The following COL19A1 variants were observed in gnomAD, a reference collection of about 807,000 sequenced individuals.
The protein encoded by COL19A1 is collagen alpha-1(XIX) chain.
Under a neutral mutation model 190.2 loss-of-function variants are expected in COL19A1, and 159 were observed. The observed-to-expected ratio is 0.84, with a 90% CI of 0.73 to 0.95. The LOEUF (loss-of-function observed/expected upper bound fraction) is 0.95. Ranked by LOEUF, COL19A1 falls within the 40% of genes least tolerant of loss-of-function variation. COL19A1 has a pLI of 0.00. For synonymous variants in COL19A1, 509 were observed against 458.9 expected, an observed-to-expected ratio of 1.11 and a Z score of -1.39; for missense variants, 1,418 against 1,431.9, an observed-to-expected ratio of 0.99 and a Z score of 0.16.
At chr6:70,029,455 A>G (rs938354310) in intron 12 of COL19A1, among the ~76,000 whole-genome samples, 1 of 152,132 alleles carries the variant, frequency 6.6e-6, no homozygotes, top group Non-Finnish European at 1.5e-5. Flanking sequence ...CATGAATTTG[A>G]TTGAAAACCT....
chr6:70,078,829 G>C (rs950598632), intron 15 of COL19A1, among the ~76,000 whole-genome samples: 2 of 152,286 alleles, frequency 1.3e-5, no homozygotes, highest in African/African-American at 4.8e-5. Context: ...CACTTTGGGA[G>C]GCCGAGGCGG....
chr6:69,877,972 C>T (rs1440881104), intron 1 of COL19A1, among the ~76,000 whole-genome samples: 3 of 151,960 alleles, frequency 2.0e-5, no homozygotes, highest in Non-Finnish European at 4.4e-5. Context: ...GATCGCGCCA[C>T]TGCACTCTAG....
At chr6:69,953,112 A>G (rs1415988201) in intron 9 of COL19A1, among the ~76,000 whole-genome samples, 1 of 152,026 alleles carries the variant, frequency 6.6e-6, no homozygotes, top group Non-Finnish European at 1.5e-5. Context: ...ATAGAAATTG[A>G]GGCCATTAAA....
chr6:70,191,442 AACTTTGT>A (rs1766868935), intron 48 of COL19A1, among the ~76,000 whole-genome samples: 1 of 152,148 alleles, frequency 6.6e-6, no homozygotes, highest in Non-Finnish European at 1.5e-5. Flanking sequence ...CTGACCCTAT[AACTTTGT>A]GTCATGCTAA....
In COL19A1 at chr6:69,920,270, T is replaced by C. The variant is rs978608160; in HGVS notation, c.267-7639T>C. Among the ~76,000 whole-genome samples, 3 of 152,184 alleles carry C rather than the reference T, an allele frequency of 2.0e-5. No homozygotes were observed. The South Asian group carries it at 6.2e-4, about 31-fold the overall frequency. On this transcript the variant is annotated intron_variant, in intron 4 of 50. Transcript: ENST00000620364. Reference sequence around the variant, plus strand: ...ACCTGGACACTGCTTGTACTATAGTTAGTCATTTTTAAGGAGCGCTATTTC... The same window carrying C: ...ACCTGGACACTGCTTGTACTATAGTCAGTCATTTTTAAGGAGCGCTATTTC...
At chr6:70,078,048 T>A (rs1781999565) in intron 15 of COL19A1, among the ~76,000 whole-genome samples, 1 of 152,242 alleles carries the variant, frequency 6.6e-6, no homozygotes, top group South Asian at 2.1e-4. Context: ...ATGTTTATAG[T>A]TTATTTGTCT....
chr6:69,926,265 A>C (rs58987459), intron 4 of COL19A1, among the ~76,000 whole-genome samples: 3,500 of 152,258 alleles, frequency 0.023, 133 homozygotes, highest in African/African-American at 0.078. Context: ...GAAGGTATGC[A>C]AAACTATGTA....
intron 4 of COL19A1, among the ~76,000 whole-genome samples, chr6:69,919,781 G>A (rs1771572249): frequency 3.3e-5 from 5 of 151,988 alleles, no homozygotes. Flanking sequence ...ATTGTCATAG[G>A]TATGTTTTTA....
intron 11 of COL19A1, among the ~76,000 whole-genome samples, chr6:70,005,688 G>A (rs1294574569): frequency 6.6e-6 from 1 of 152,302 alleles, no homozygotes; most frequent in South Asian, 2.1e-4. Context: ...CCTTGGTGGA[G>A]GGGGTGTGCT....
intron 14 of COL19A1, among the ~76,000 whole-genome samples, chr6:70,044,163 A>C (rs1270856403): frequency 6.6e-6 from 1 of 152,152 alleles, no homozygotes; most frequent in Non-Finnish European, 1.5e-5. Context: ...CTCAGCCTTC[A>C]CAGAATTAAG....
chr6:70,028,191 TACGAG>T (rs1366770607), intron 12 of COL19A1, among the ~76,000 whole-genome samples: 1 of 152,070 alleles, frequency 6.6e-6, no homozygotes, highest in East Asian at 1.9e-4. Context: ...CCATAAAAAA[TACGAG>T]ACTCAAAGAA....
At chr6:69,960,866 C>T (rs35171618) in intron 10 of COL19A1, among the ~76,000 whole-genome samples, 3,164 of 152,040 alleles carry the variant, frequency 0.021, 48 homozygotes, top group Non-Finnish European at 0.032. Context: ...CTCCTGACCT[C>T]GTGATCCACC....
intron 14 of COL19A1, among the ~76,000 whole-genome samples, chr6:70,044,521 G>T (rs1182553340): frequency 2.0e-5 from 3 of 152,130 alleles, no homozygotes; most frequent in African/African-American, 7.2e-5. Context: ...GAAAATGAGA[G>T]ATGCGCAACT....
intron 16 of COL19A1, 69 bp from the exon 17 acceptor site, chr6:70,121,811 T>G: frequency 2.1e-6 from 2 of 969,600 alleles, no homozygotes; most frequent in South Asian, 3.0e-5. Context: ...AGTTCTTAGA[T>G]ATGTTATTTA....
rs201292743 is a variant in COL19A1 at position 70,188,074 on chromosome 6, G to C, written c.2857-1G>C. 313 of 1,612,396 alleles carry C rather than the reference G, an allele frequency of 1.9e-4. 1 individual carries two copies. The highest frequency in any genetic ancestry group is 2.5e-4 in the Non-Finnish European group (297 of 1,179,512). ...CTTTGTTATTATTTTTTCCTTAACAGGGTGATCAGGGGATTCCAGGAGACA... is the reference window on the plus strand; with the variant it reads ...CTTTGTTATTATTTTTTCCTTAACACGGTGATCAGGGGATTCCAGGAGACA... On this transcript the variant is annotated splice_acceptor_variant, in intron 46 of 50. Coordinates refer to ENST00000620364, the MANE Select transcript of COL19A1 (RefSeq NM_001858.6). LOFTEE classifies it high-confidence loss of function.
intron 4 of COL19A1, among the ~76,000 whole-genome samples, chr6:69,910,958 A>G (rs1770873352): frequency 6.6e-6 from 1 of 152,336 alleles, no homozygotes; most frequent in African/African-American, 2.4e-5. Flanking sequence ...ACAAATAAGC[A>G]TGGTCTTAAA....
chr6:70,144,363 T>A (rs138307570), intron 24 of COL19A1, 100 bp downstream of exon 24: 3 of 1,015,772 alleles, frequency 3.0e-6, no homozygotes, highest in East Asian at 2.5e-5. Flanking sequence ...CTTCTGGGAT[T>A]GTACAGATTG....
intron 14 of COL19A1, among the ~76,000 whole-genome samples, chr6:70,042,558 G>C (rs141951791): frequency 2.0e-5 from 3 of 152,290 alleles, no homozygotes; most frequent in Non-Finnish European, 4.4e-5. Flanking sequence ...TCTGATCAGG[G>C]TGGTGGTTAT....
intron 48 of COL19A1, among the ~76,000 whole-genome samples, chr6:70,192,602 C>T (rs959833313): frequency 1.3e-5 from 2 of 151,528 alleles, no homozygotes; most frequent in Non-Finnish European, 2.9e-5. Flanking sequence ...AAAAAGGCAA[C>T]TGTTTGAAAA....
Sources: gnomAD v4.1 joint callset for allele counts (sites outside exome capture counted in the v4.1 genomes callset) on GRCh38, gnomAD v4.1.1 for gene constraint, MANE v1.5 for transcripts, NCBI Gene and HGNC (gene_info 2026-07-23, HGNC 2026-07-21) for gene names.